PDE4D: variants seen among roughly 807,000 people sequenced by gnomAD.
PDE4D encodes phosphodiesterase 4D.
A neutral mutation model predicts 87.4 loss-of-function variants in PDE4D; 24 were observed. The observed-to-expected ratio is 0.27, with a 90% CI of 0.20 to 0.39. PDE4D has a LOEUF of 0.39. PDE4D is among the 10% of genes least tolerant of loss of function. The probability of loss-of-function intolerance (pLI) is 1.00; values close to 1 mark genes in which losing one functional copy is unlikely to be tolerated. For missense variants in PDE4D, 714 were observed against 1,041.0 expected, an observed-to-expected ratio of 0.69 and a Z score of 4.32; for synonymous variants, 384 against 383.2, an observed-to-expected ratio of 1.00 and a Z score of -0.02.
intron 1 of PDE4D, among the ~76,000 whole-genome samples, chr5:59,506,273 G>T (rs1809246256): frequency 1.3e-5 from 2 of 151,916 alleles, no homozygotes; most frequent in South Asian, 2.1e-4. Flanking sequence ...AATTATGAAG[G>T]TATACAGATT....
At chr5:59,734,966 C>G (rs1237284355) in intron 1 of PDE4D, among the ~76,000 whole-genome samples, 3 of 152,160 alleles carry the variant, frequency 2.0e-5, no homozygotes, top group Non-Finnish European at 4.4e-5. Context: ...TACATACTTT[C>G]ACAAGCACTG....
chr5:60,028,961 T>C (rs1250042450), intron 2 of PDE4D, among the ~76,000 whole-genome samples: 1 of 152,232 alleles, frequency 6.6e-6, no homozygotes, highest in Non-Finnish European at 1.5e-5. Context: ...AATAATTCTA[T>C]TTTAGCATAT....
intron 3 of PDE4D, among the ~76,000 whole-genome samples, chr5:59,941,315 T>C (rs1424501528): frequency 6.6e-6 from 1 of 152,236 alleles, no homozygotes; most frequent in African/African-American, 2.4e-5. Flanking sequence ...ACAATTGCTG[T>C]GTTATTTTCA....
intron 1 of PDE4D, among the ~76,000 whole-genome samples, chr5:59,407,443 C>T (rs149936642): frequency 6.6e-6 from 1 of 152,086 alleles, no homozygotes; most frequent in Non-Finnish European, 1.5e-5. Context: ...GCCACAACAG[C>T]CTAATATAGA....
intron 1 of PDE4D, among the ~76,000 whole-genome samples, chr5:60,473,591 C>T (rs1384644364): frequency 1.3e-5 from 2 of 152,010 alleles, no homozygotes; most frequent in Non-Finnish European, 2.9e-5. Context: ...AAAATTATTT[C>T]AAAAAGTTTT....
At chr5:59,832,346 T>C (rs1356961722) in intron 1 of PDE4D, among the ~76,000 whole-genome samples, 1 of 152,104 alleles carries the variant, frequency 6.6e-6, no homozygotes, top group Non-Finnish European at 1.5e-5. Context: ...ACAGAGTGGA[T>C]TTCTTAGGAA....
intron 1 of PDE4D, among the ~76,000 whole-genome samples, chr5:59,795,603 G>A (rs1314977083): frequency 6.6e-6 from 1 of 152,252 alleles, no homozygotes; most frequent in East Asian, 1.9e-4. Context: ...CTATATTACA[G>A]TAGAAATCAG....
At chr5:59,866,546 G>T (rs1330997508) in intron 1 of PDE4D, among the ~76,000 whole-genome samples, 1 of 152,150 alleles carries the variant, frequency 6.6e-6, no homozygotes, top group Non-Finnish European at 1.5e-5. Context: ...CACTCCGGAA[G>T]GCTGGGGCAG....
At chr5:60,451,143 C>T (rs7725694) in intron 1 of PDE4D, among the ~76,000 whole-genome samples, 7,077 of 152,120 alleles carry the variant, frequency 0.047, 414 homozygotes, top group African/African-American at 0.14. Context: ...CTATGGTAGA[C>T]GGAAGCCCAG....
chr5:59,518,294 T>C (rs947946438), intron 1 of PDE4D, among the ~76,000 whole-genome samples: 4 of 152,038 alleles, frequency 2.6e-5, no homozygotes, highest in African/African-American at 4.8e-5. Flanking sequence ...ATGTTTGCTA[T>C]TGTATTTCTT....
At chr5:59,391,810 T>C (rs1174236720) in intron 1 of PDE4D, among the ~76,000 whole-genome samples, 2 of 151,890 alleles carry the variant, frequency 1.3e-5, no homozygotes, top group Non-Finnish European at 2.9e-5. Context: ...ATGAGGTCTT[T>C]CCTAACACCA....
chr5:59,262,441 CT>C (rs1032074830), intron 1 of PDE4D, among the ~76,000 whole-genome samples: 7 of 151,156 alleles, frequency 4.6e-5, no homozygotes, highest in Middle Eastern at 3.4e-3. Flanking sequence ...TAATTTCCTT[CT>C]TTTTTTTTAA....
rs191518503 is a variant in PDE4D at position 59,755,728 on chromosome 5, C to A, written c.455+137440G>T. 1.5e-4 allele frequency among the ~76,000 whole-genome samples: 23 copies of A among 151,994 alleles called. 1 individual carries two copies. The East Asian group carries it at 3.5e-3, about 23-fold the overall frequency. On this transcript the variant is annotated intron_variant, in intron 1 of 14. Transcript: ENST00000340635. Reference sequence around the variant, plus strand: ...AAAATAAAGCAAAGTAAAACAAATACTATTAACCTAAAGAAGGCAAACAAG... The same window carrying A: ...AAAATAAAGCAAAGTAAAACAAATAATATTAACCTAAAGAAGGCAAACAAG...
intron 1 of PDE4D, among the ~76,000 whole-genome samples, chr5:60,483,301 C>T (rs1184505170): frequency 6.6e-6 from 1 of 152,110 alleles, no homozygotes; most frequent in African/African-American, 2.4e-5. Context: ...GTAGCTGGGA[C>T]CACAGATGTG....
At chr5:59,635,510 A>G (rs912656198) in intron 1 of PDE4D, among the ~76,000 whole-genome samples, 14 of 152,224 alleles carry the variant, frequency 9.2e-5, no homozygotes, top group African/African-American at 3.4e-4. Flanking sequence ...GGTAAACCAA[A>G]TCCAGCAACG....
chr5:59,307,537 G>A (rs1446665598), intron 1 of PDE4D, among the ~76,000 whole-genome samples: 4 of 152,084 alleles, frequency 2.6e-5, no homozygotes, highest in Admixed American at 6.5e-5. Context: ...AACCCCATCA[G>A]AAAGTGGGCG....
chr5:59,031,392 T>TAA (rs1431074293), intron 6 of PDE4D, among the ~76,000 whole-genome samples: 3 of 34,284 alleles, frequency 8.8e-5, no homozygotes, highest in Non-Finnish European at 1.5e-4. Flanking sequence ...TATATATATA[T>TAA]TATATATATA....
chr5:59,754,347 C>G (rs77192463), intron 1 of PDE4D, among the ~76,000 whole-genome samples: 3,978 of 152,158 alleles, frequency 0.026, 199 homozygotes, highest in African/African-American at 0.091. Context: ...CCCTTTAAGA[C>G]AGTTTCTCAA....
chr5:59,044,041 C>T (rs1233725644), intron 5 of PDE4D, among the ~76,000 whole-genome samples: 2 of 152,170 alleles, frequency 1.3e-5, no homozygotes, highest in African/African-American at 2.4e-5. Flanking sequence ...TTTATAGCAG[C>T]ATGATTTATA....
Sources: gnomAD v4.1 joint callset for allele counts (sites outside exome capture counted in the v4.1 genomes callset) on GRCh38, gnomAD v4.1.1 for gene constraint, MANE v1.5 for transcripts, NCBI Gene and HGNC (gene_info 2026-07-23, HGNC 2026-07-21) for gene names.